The following UTS2B variants were observed in gnomAD, a reference collection of about 807,000 sequenced individuals.
The protein encoded by UTS2B is urotensin-2B.
Under a neutral mutation model 19.2 loss-of-function variants are expected in UTS2B, and 21 were observed. The ratio of observed to expected loss-of-function variants is 1.09; its 90% CI spans 0.78 to 1.58. The LOEUF (loss-of-function observed/expected upper bound fraction) is 1.58. Among genes scored for constraint, UTS2B ranks in the 40% most tolerant of loss-of-function variants. UTS2B has a pLI of 0.00. For missense variants in UTS2B, 138 were observed against 130.3 expected (o/e 1.06, Z -0.29); for synonymous variants, 57 against 50.2 (o/e 1.14, Z -0.58).
intron 2 of UTS2B, among the ~76,000 whole-genome samples, chr3:191,327,849 GACAATTAAAAA>G (rs1020886714): frequency 2.6e-4 from 39 of 152,118 alleles, no homozygotes; most frequent in Non-Finnish European, 4.7e-4. Context: ...TAGATTACAG[GACAATTAAAAA>G]ATTCCCATAA....
intron 8 of UTS2B, among the ~76,000 whole-genome samples, chr3:191,273,130 T>C (rs1022418414): frequency 2.3e-4 from 35 of 152,306 alleles, no homozygotes; most frequent in Non-Finnish European, 2.9e-5. Flanking sequence ...ATCGCACCAC[T>C]GCACTCCAGC....
chr3:191,341,093 C>G, the UTS2B span, among the ~76,000 whole-genome samples: 1 of 151,948 alleles, frequency 6.6e-6, no homozygotes, highest in Admixed American at 6.6e-5. Context: ...GCACTGGGAT[C>G]ATTTCTGCAG....
intron 4 of UTS2B, among the ~76,000 whole-genome samples, chr3:191,296,811 A>G (rs1172682804): frequency 6.6e-6 from 1 of 152,216 alleles, no homozygotes; most frequent in African/African-American, 2.4e-5. Flanking sequence ...CTCATTGCCT[A>G]GAGGAAAAGA....
intron 5 of UTS2B, among the ~76,000 whole-genome samples, chr3:191,280,925 A>C (rs962646155): frequency 6.6e-6 from 1 of 152,190 alleles, no homozygotes; most frequent in African/African-American, 2.4e-5. Flanking sequence ...TGTGAGTGTC[A>C]TGGATAAAAT....
rs1715977358 is a variant in UTS2B at position 191,267,788 on chromosome 3, A to G, written c.*628T>C. On this transcript the variant is annotated 3_prime_UTR_variant, in exon 9 of 9. Transcript: ENST00000340524. ...ATTTGTATGTAGAAGTACAGTATAC[A>G]GAGATAAGAATTTACAATATACTGT... The G allele has an allele frequency of 7.1e-6, 1 of 140,086 alleles. No homozygotes were observed. The highest frequency in any genetic ancestry group is 2.5e-5 in the African/African-American group (1 of 40,388). 8.7% of individuals were successfully genotyped at this position (140,086 alleles called of 1,614,324 possible). A position where few individuals can be genotyped will look rare whatever the true frequency, so the allele number is the denominator to read the frequency against.
chr3:191,284,224 A>G (rs1360212466), intron 4 of UTS2B, among the ~76,000 whole-genome samples: 1 of 152,182 alleles, frequency 6.6e-6, no homozygotes, highest in African/African-American at 2.4e-5. Context: ...ATGTAAACTG[A>G]AAGAGGAACT....
chr3:191,303,166 C>G (rs1712914088), intron 4 of UTS2B, among the ~76,000 whole-genome samples: 1 of 152,176 alleles, frequency 6.6e-6, no homozygotes, highest in Non-Finnish European at 1.5e-5. Context: ...TCCCCTATAT[C>G]TTTTTGTAGC....
chr3:191,326,171 C>T lies in UTS2B; in HGVS notation c.-586+2460G>A, dbSNP rs114392707. On this transcript the variant is annotated intron_variant, in intron 2 of 8. Transcript: ENST00000340524. ...TTGCCTATATTGTTTTTTTAACTTACTTTTAATTTGTGATTCTTACTGATA... is the reference window on the plus strand; with the variant it reads ...TTGCCTATATTGTTTTTTTAACTTATTTTTAATTTGTGATTCTTACTGATA... Among the ~76,000 whole-genome samples, 264 of 152,148 alleles carry T rather than the reference C, an allele frequency of 1.7e-3. 2 individuals are homozygous for T. Among genetic ancestry groups the T allele is most frequent in the African/African-American group, 6.0e-3 (247 of 41,502 alleles).
At chr3:191,341,880 C>A in the UTS2B span, among the ~76,000 whole-genome samples, 1 of 152,136 alleles carries the variant, frequency 6.6e-6, no homozygotes, top group African/African-American at 2.4e-5. Context: ...GCTGTGCGGT[C>A]ACCTTATTCT....
chr3:191,318,761 G>A (rs1576935560), intron 2 of UTS2B, among the ~76,000 whole-genome samples: 2 of 152,318 alleles, frequency 1.3e-5, no homozygotes, highest in African/African-American at 2.4e-5. Flanking sequence ...GTGAGCTGCT[G>A]TGCCTGGCTG....
chr3:191,307,803 T>C (rs748374360), intron 3 of UTS2B, among the ~76,000 whole-genome samples: 1 of 144,120 alleles, frequency 6.9e-6, no homozygotes, highest in African/African-American at 2.5e-5. Flanking sequence ...AGGTGCTTTT[T>C]CTTTTTTCTT....
At chr3:191,308,852 A>G (rs781658994) in intron 3 of UTS2B, among the ~76,000 whole-genome samples, 1 of 151,682 alleles carries the variant, frequency 6.6e-6, no homozygotes, top group Non-Finnish European at 1.5e-5. Flanking sequence ...TAGTTATGAG[A>G]CAAATCAGAA....
the UTS2B span, among the ~76,000 whole-genome samples, chr3:191,342,312 T>G: frequency 6.6e-6 from 1 of 152,202 alleles, no homozygotes; most frequent in African/African-American, 2.4e-5. Context: ...TGACTCTATC[T>G]AAAGTAAAGT....
chr3:191,289,477 G>A (rs1716655643), intron 4 of UTS2B, among the ~76,000 whole-genome samples: 1 of 147,664 alleles, frequency 6.8e-6, no homozygotes, highest in Admixed American at 6.9e-5. Context: ...TATGTTCAGT[G>A]CTCTAACATA....
At chr3:191,278,012 T>G in intron 6 of UTS2B, 60 bp downstream of exon 6, 2 of 882,978 alleles carry the variant, frequency 2.3e-6, no homozygotes, top group Non-Finnish European at 3.4e-6. Flanking sequence ...AAAGCAAGTC[T>G]CAAGACAAAA....
intron 4 of UTS2B, among the ~76,000 whole-genome samples, chr3:191,287,542 T>C (rs1368708464): frequency 6.6e-6 from 1 of 151,948 alleles, no homozygotes; most frequent in Non-Finnish European, 1.5e-5. Context: ...CATGATAAAA[T>C]GTATATGATA....
At chr3:191,331,441 C>G (rs1447197594), upstream of UTS2B, among the ~76,000 whole-genome samples, 1 of 152,138 alleles carries the variant, frequency 6.6e-6, no homozygotes, top group Admixed American at 6.5e-5. Context: ...AAGATTTTTC[C>G]ATTTCCACAC....
intron 1 of UTS2B, chr3:191,329,839 C>A (rs1158349520): frequency 4.0e-6 from 4 of 993,862 alleles, no homozygotes; most frequent in Non-Finnish European, 5.9e-6. Context: ...GCCCGCCCTG[C>A]GTTGGCCTTG....
rs199522241 is a variant in UTS2B, at chr3:191,268,476, A to C, written c.335-35T>G. On this transcript the variant is annotated intron_variant, in intron 8 of 8. Transcript: ENST00000340524. Reference sequence around the variant, plus strand: ...AAAACAAAATACATTTTTTATTAGAAGTATATTTGATAAAACTTGCTCTTG... The same window carrying C: ...AAAACAAAATACATTTTTTATTAGACGTATATTTGATAAAACTTGCTCTTG... 1,444 of 1,468,432 alleles carry C rather than the reference A, an allele frequency of 9.8e-4. 4 individuals carry two copies. Among genetic ancestry groups the C allele is most frequent in the Non-Finnish European group, 1.3e-3 (1,382 of 1,068,694 alleles). 91.0% of individuals were successfully genotyped at this position (1,468,432 alleles called of 1,614,324 possible).
Sources: gnomAD v4.1 joint callset for allele counts (sites outside exome capture counted in the v4.1 genomes callset) on GRCh38, gnomAD v4.1.1 for gene constraint, MANE v1.5 for transcripts, NCBI Gene and HGNC (gene_info 2026-07-23, HGNC 2026-07-21) for gene names.